WDR36: variants seen among roughly 807,000 people sequenced by gnomAD.
WDR36 encodes the protein WD repeat domain 36.
WDR36 carries 63 observed loss-of-function variants against 112.7 expected under a neutral mutation model. The ratio of observed to expected loss-of-function variants is 0.56; its 90% CI spans 0.46 to 0.69. The LOEUF (loss-of-function observed/expected upper bound fraction) is 0.69. Among genes scored for constraint, WDR36 ranks in the 30% least tolerant of loss-of-function variants. The pLI, the probability that WDR36 is intolerant of heterozygous loss-of-function variation, is 0.00. For synonymous variants in WDR36, 410 were observed against 362.2 expected (o/e 1.13, Z -1.50); for missense variants, 1,226 against 1,070.3 (o/e 1.15, Z -2.03).
intron 19 of WDR36, among the ~76,000 whole-genome samples, chr5:111,123,104 A>G (rs553849878): frequency 4.3e-4 from 65 of 151,854 alleles, no homozygotes; most frequent in Non-Finnish European, 7.4e-4. Flanking sequence ...GTGAAATTCC[A>G]TCTCAAAAAA....
rs1753626457 is a variant in WDR36 at position 111,124,097 on chromosome 5, TTTTG to T, written c.2269-7_2269-4del. 3.1e-6 allele frequency: 5 copies of T among 1,612,542 alleles called. No homozygotes were observed. The highest frequency in any genetic ancestry group is 3.4e-6 in the Non-Finnish European group (4 of 1,179,130). On this transcript the variant is annotated splice_polypyrimidine_tract_variant and splice_region_variant and intron_variant, in intron 20 of 22. Transcript: ENST00000513710. ...AATTATTTGAATAATGTGTATTTGT[TTTTG>T]TTTAAGTCTAAAGTGGTAAATCTTG... is the stretch of plus-strand genomic sequence containing the variant.
At chr5:111,110,750 A>G (rs1448500319) in intron 13 of WDR36, 38 bp from the exon 14 acceptor site, 3 of 1,594,366 alleles carry the variant, frequency 1.9e-6, no homozygotes, top group South Asian at 2.2e-5. Flanking sequence ...AACACTGCCA[A>G]TTCTGATTTT....
intron 4 of WDR36, among the ~76,000 whole-genome samples, 160 bp from the exon 5 acceptor site, chr5:111,100,429 T>C (rs1328452113): frequency 2.0e-5 from 3 of 152,040 alleles, no homozygotes; most frequent in Non-Finnish European, 4.4e-5. Context: ...TCATTTATTT[T>C]ATTTCTCAAG....
In WDR36 at chr5:111,095,508, G is replaced by T. The variant is rs182804004; in HGVS notation, c.190+561G>T. On this transcript the variant is annotated intron_variant, in intron 2 of 22. Coordinates refer to ENST00000513710, the MANE Select transcript of WDR36 (RefSeq NM_139281.3). ...TTTATGATGATACTTGCCTGAATCAGTTATTAGTATGATGGTTGCCAAATG... is the reference window on the plus strand; with the variant it reads ...TTTATGATGATACTTGCCTGAATCATTTATTAGTATGATGGTTGCCAAATG... 2.3e-3 allele frequency among the ~76,000 whole-genome samples: 343 copies of T among 152,302 alleles called. 11 individuals carry two copies. The South Asian group carries it at 0.051, about 23-fold the overall frequency.
intron 11 of WDR36, among the ~76,000 whole-genome samples, chr5:111,106,369 TTAA>T (rs1483799285): frequency 6.6e-6 from 1 of 151,638 alleles, no homozygotes; most frequent in South Asian, 2.1e-4. Context: ...ATAACAGGTA[TTAA>T]TAATATTTGA....
intron 14 of WDR36, 42 bp from the exon 15 acceptor site, chr5:111,111,128 A>G: frequency 6.3e-7 from 1 of 1,596,150 alleles, no homozygotes; most frequent in Non-Finnish European, 8.6e-7. Context: ...TTTTAGTTCA[A>G]GGGTTTTTTG....
chr5:111,113,075 C>G lies in WDR36; in HGVS notation c.1718C>G (p.Ala573Gly), dbSNP rs1207358139. Residue 573 changes from alanine to glycine, a missense_variant and splice_region_variant, in exon 16 of 23, where the codon GCT becomes GGT. Ala to Gly is a moderately conservative substitution (Grantham distance 60). Coordinates refer to ENST00000513710, the MANE Select transcript of WDR36 (RefSeq NM_139281.3). ...SGHQGQINDM[A>G]FSPDGRWLIS... ...ATATTTTTTTTTTTTAATTTAAAGG[C>G]TTTTAGTCCTGATGGTCGTTGGTTA... The G allele has an allele frequency of 3.7e-6, 5 of 1,341,256 alleles. No individual in the cohort carries two copies. Among genetic ancestry groups the G allele is most frequent in the Non-Finnish European group, 4.9e-6 (5 of 1,024,094 alleles). 83.1% of individuals were successfully genotyped at this position (1,341,256 alleles called of 1,614,324 possible).
chr5:111,097,400 A>C (rs1993465), intron 3 of WDR36, among the ~76,000 whole-genome samples: 1 of 151,994 alleles, frequency 6.6e-6, no homozygotes, highest in Non-Finnish European at 1.5e-5. Flanking sequence ...ATGAATATCA[A>C]AATTACTTGG....
intron 22 of WDR36, 133 bp from the exon 23 acceptor site, chr5:111,126,601 A>T (rs922012840): frequency 1.0e-6 from 1 of 964,368 alleles, no homozygotes; most frequent in Admixed American, 2.5e-5. Flanking sequence ...AATGGGAGAT[A>T]GTAATAAACC....
rs567648295 is a variant in WDR36, at chr5:111,096,888, A to G, written c.191-191A>G. On this transcript the variant is annotated intron_variant, in intron 2 of 22. Transcript: ENST00000513710. Reference sequence around the variant, plus strand: ...TTAGGGAAGGACAAGGTGATTTCCTATCCTTAGTTTGATAGTTACTATTAG... The same window carrying G: ...TTAGGGAAGGACAAGGTGATTTCCTGTCCTTAGTTTGATAGTTACTATTAG... 2.5e-4 allele frequency: 121 copies of G among 485,444 alleles called. 1 individual carries two copies. The East Asian group carries it at 3.2e-3, about 13-fold the overall frequency. The allele number at this position is 485,444 out of a possible 1,614,324, so 30.1% of individuals were successfully genotyped here.
At chr5:111,104,674 C>G in intron 8 of WDR36, 23 bp from the exon 9 acceptor site, 1 of 1,610,640 alleles carries the variant, frequency 6.2e-7, no homozygotes, top group Non-Finnish European at 8.5e-7. Flanking sequence ...TGTAGAAGAA[C>G]TGACGTTTTT....
chr5:111,113,254 A>G (rs893046559), intron 16 of WDR36, 101 bp downstream of exon 16: 3 of 642,044 alleles, frequency 4.7e-6, no homozygotes, highest in South Asian at 1.5e-5. Flanking sequence ...TGCTTTTTCA[A>G]TGTGACTATA....
At chr5:111,099,349 A>G (rs979455569) in intron 4 of WDR36, among the ~76,000 whole-genome samples, 1 of 151,830 alleles carries the variant, frequency 6.6e-6, no homozygotes, top group Non-Finnish European at 1.5e-5. Context: ...TAGGATATCT[A>G]CACCTTTCCT....
chr5:111,113,173 TC>T lies in WDR36; in HGVS notation c.1796+23del. 7.1e-7 allele frequency: 1 copy of T among 1,411,464 alleles called. No individual in the cohort carries two copies. Among genetic ancestry groups the T allele is most frequent in the African/African-American group, 1.4e-5 (1 of 70,440 alleles). The allele number at this position is 1,411,464 out of a possible 1,614,324, so 87.4% of individuals were successfully genotyped here. ...TGGGTGGTAAGTTTATATTTCTAAT[TC>T]CCTAACCTCTATAAGATTTCTAAGT... On this transcript the variant is annotated intron_variant, in intron 16 of 22. Coordinates refer to ENST00000513710, the MANE Select transcript of WDR36 (RefSeq NM_139281.3).
chr5:111,106,962 C>T (rs1352105914), intron 11 of WDR36, among the ~76,000 whole-genome samples: 2 of 151,326 alleles, frequency 1.3e-5, no homozygotes, highest in Non-Finnish European at 3.0e-5. Flanking sequence ...CCCCAAATCT[C>T]CTGAGTGGTC....
chr5:111,103,657 G>GT (rs1753164908), intron 6 of WDR36, 129 bp from the exon 7 acceptor site: 2 of 1,211,924 alleles, frequency 1.7e-6, no homozygotes, highest in Non-Finnish European at 2.3e-6. Context: ...TACTTGCTGA[G>GT]TTTTTCTGCC....
rs779584019 is a variant in WDR36 at position 111,102,354 on chromosome 5, A to G, written c.552A>G (p.Leu184=). ...QLWNVKSNKL[L]YTFPGWKVGV... ...ATTTTTCTTCTTGTAGTAAACTTCT[A>G]TATACATTTCCAGGATGGAAAGTTG... Residue 184 remains leucine (L), a synonymous_variant, in exon 6 of 23, where the codon CTA becomes CTG. Transcript: ENST00000513710. 8.1e-6 allele frequency: 13 copies of G among 1,609,722 alleles called. No individual in the cohort carries two copies. Among genetic ancestry groups the G allele is most frequent in the Admixed American group, 1.7e-5 (1 of 59,662 alleles).
intron 12 of WDR36, among the ~76,000 whole-genome samples, chr5:111,109,904 T>G (rs1753292797): frequency 6.6e-6 from 1 of 151,444 alleles, no homozygotes; most frequent in South Asian, 2.1e-4. Flanking sequence ...TAGTCCCATA[T>G]ATAGTTCTCT....
At position 111,127,675 on chromosome 5, in the gene WDR36, C is replaced by G. The variant is rs1002965887; in HGVS notation, c.*792C>G. The stretch of plus-strand genomic sequence containing the variant: ...GGATCAGAAATGTGGGAGGCCCTTC[C>G]TTGCCCAAGGCAAGTCGCTGTAGAT... On this transcript the variant is annotated 3_prime_UTR_variant, in exon 23 of 23. Transcript: ENST00000513710. 4 of 211,244 alleles carry G rather than the reference C, an allele frequency of 1.9e-5. No homozygotes were observed. Among genetic ancestry groups the G allele is most frequent in the East Asian group, 7.1e-5 (1 of 14,154 alleles). 13.1% of individuals were successfully genotyped at this position (211,244 alleles called of 1,614,324 possible). A position where few individuals can be genotyped will look rare whatever the true frequency, so the allele number is the denominator to read the frequency against.
Sources: gnomAD v4.1 joint callset for allele counts (sites outside exome capture counted in the v4.1 genomes callset) on GRCh38, gnomAD v4.1.1 for gene constraint, MANE v1.5 for transcripts, NCBI Gene and HGNC (gene_info 2026-07-23, HGNC 2026-07-21) for gene names.